Variants in SIPA1L2 observed in about 807,000 individuals in gnomAD.
SIPA1L2 encodes the protein signal-induced proliferation-associated 1-like protein 2.
In SIPA1L2, 56 loss-of-function variants were observed where a neutral mutation model predicts 163.9. The ratio of observed to expected loss-of-function variants is 0.34; its 90% CI spans 0.28 to 0.43. SIPA1L2 has a LOEUF of 0.43. Ranked by LOEUF, SIPA1L2 falls within the 20% of genes least tolerant of loss-of-function variation. The probability of loss-of-function intolerance (pLI) is 1.00; values close to 1 mark genes in which losing one functional copy is unlikely to be tolerated. For missense variants in SIPA1L2, 1,974 were observed against 2,193.5 expected, an observed-to-expected ratio of 0.90 and a Z score of 2.00; for synonymous variants, 877 against 865.7, an observed-to-expected ratio of 1.01 and a Z score of -0.23.
intron 19 of SIPA1L2, among the ~76,000 whole-genome samples, chr1:232,406,548 G>A (rs1168920577): frequency 6.6e-6 from 1 of 152,236 alleles, no homozygotes; most frequent in Non-Finnish European, 1.5e-5. Context: ...TCACTCCCAT[G>A]ACCCCGTCTA....
chr1:232,593,447 C>T (rs1030585591), intron 1 of SIPA1L2, among the ~76,000 whole-genome samples: 2 of 151,970 alleles, frequency 1.3e-5, no homozygotes, highest in African/African-American at 2.4e-5. Flanking sequence ...TTAATGGGGG[C>T]GCTTCATTTT....
intron 2 of SIPA1L2, among the ~76,000 whole-genome samples, chr1:232,519,802 C>T (rs1381367075): frequency 6.6e-6 from 1 of 152,202 alleles, no homozygotes; most frequent in Non-Finnish European, 1.5e-5. Flanking sequence ...CTGGTACCAC[C>T]TGCTCCCTCC....
chr1:232,598,478 A>C (rs1391279992), intron 1 of SIPA1L2, among the ~76,000 whole-genome samples: 1 of 152,214 alleles, frequency 6.6e-6, no homozygotes, highest in Non-Finnish European at 1.5e-5. Flanking sequence ...ATTCATCCAT[A>C]AAGCATCAGA....
intron 22 of SIPA1L2, 62 bp downstream of exon 22, chr1:232,402,330 T>C (rs1418509522): frequency 7.7e-6 from 11 of 1,436,222 alleles, no homozygotes; most frequent in African/African-American, 1.4e-5. Context: ...TTATCTGTAG[T>C]AGTTATAAGG....
chr1:232,455,597 C>T (rs1489805937), intron 10 of SIPA1L2, among the ~76,000 whole-genome samples: 1 of 150,736 alleles, frequency 6.6e-6, no homozygotes, highest in Non-Finnish European at 1.5e-5. Context: ...AGGAGAATGG[C>T]GTGAACCCGT....
At chr1:232,423,708 T>C (rs1361261842) in intron 18 of SIPA1L2, among the ~76,000 whole-genome samples, 3 of 152,238 alleles carry the variant, frequency 2.0e-5, no homozygotes, top group Admixed American at 6.5e-5. Flanking sequence ...TGTTTCCTAA[T>C]TGTGCCTTTG....
chr1:232,502,396 C>T (rs1413647973), intron 3 of SIPA1L2, among the ~76,000 whole-genome samples: 2 of 152,216 alleles, frequency 1.3e-5, no homozygotes, highest in African/African-American at 4.8e-5. Flanking sequence ...CACTTTTAAT[C>T]TCAAAATGCT....
At chr1:232,586,612 T>C (rs980402199) in intron 1 of SIPA1L2, among the ~76,000 whole-genome samples, 7 of 152,266 alleles carry the variant, frequency 4.6e-5, no homozygotes, top group Non-Finnish European at 2.9e-5. Context: ...AAATTTCTTT[T>C]AATGAAGAAT....
chr1:232,526,776 C>G (rs1667732717), intron 2 of SIPA1L2, among the ~76,000 whole-genome samples: 1 of 152,174 alleles, frequency 6.6e-6, no homozygotes, highest in African/African-American at 2.4e-5. Context: ...AGACTGTGCC[C>G]CCCTGACCGG....
At chr1:232,452,679 G>GT (rs1558188760) in intron 10 of SIPA1L2, among the ~76,000 whole-genome samples, 2 of 152,196 alleles carry the variant, frequency 1.3e-5, no homozygotes, top group Non-Finnish European at 2.9e-5. Context: ...GACCATCACT[G>GT]TTTGAGTCTA....
At chr1:232,520,794 T>G (rs1332871006) in intron 2 of SIPA1L2, among the ~76,000 whole-genome samples, 1 of 152,196 alleles carries the variant, frequency 6.6e-6, no homozygotes, top group Non-Finnish European at 1.5e-5. Flanking sequence ...CCTCTCTCTG[T>G]GGCCAAGAAG....
intron 19 of SIPA1L2, among the ~76,000 whole-genome samples, chr1:232,409,851 T>C (rs1209674574): frequency 6.6e-6 from 1 of 152,208 alleles, no homozygotes; most frequent in Non-Finnish European, 1.5e-5. Flanking sequence ...TAAGCTATTG[T>C]TGTTTTTAGC....
At chr1:232,479,154 ACT>A (rs1258093043) in intron 7 of SIPA1L2, among the ~76,000 whole-genome samples, 1 of 152,212 alleles carries the variant, frequency 6.6e-6, no homozygotes, top group East Asian at 1.9e-4. Context: ...AGCATGATGC[ACT>A]CTGATTTTTT....
chr1:232,479,759 AG>A, intron 6 of SIPA1L2, 29 bp from the exon 7 acceptor site: 2 of 1,586,294 alleles, frequency 1.3e-6, no homozygotes, highest in Non-Finnish European at 1.7e-6. Flanking sequence ...TACAGAAGCA[AG>A]GTAAGCTGCT....
At position 232,441,423 on chromosome 1, in the gene SIPA1L2, T is replaced by C. The variant is rs753379192; in HGVS notation, c.3539-29A>G. ...TCACATAAAAAGAGAGGAGTTGAAT[T>C]TCCAATTTCCAGTATTACCAAAAGA... On this transcript the variant is annotated intron_variant, in intron 13 of 22. Transcript: ENST00000674635. 9.7e-6 allele frequency: 15 copies of C among 1,550,324 alleles called. No individual in the cohort carries two copies. The Admixed American group carries it at 2.8e-4, about 29-fold the overall frequency.
At position 232,563,923 on chromosome 1, in the gene SIPA1L2, C is replaced by T. The variant is rs945126951; in HGVS notation, c.-270+10251G>A. Among the ~76,000 whole-genome samples, 7 of 148,156 alleles carry T rather than the reference C, an allele frequency of 4.7e-5. No individual in the cohort carries two copies. The Admixed American group carries it at 4.7e-4, about 10-fold the overall frequency. ...AGAGACAAGGTTTCATCATGTTGGC[C>T]AGACTGAACGACAAAGGTTTGTTTT... On this transcript the variant is annotated intron_variant, in intron 2 of 22. Coordinates refer to ENST00000674635, the MANE Select transcript of SIPA1L2 (RefSeq NM_020808.5).
At chr1:232,423,062 C>A (rs114779341) in intron 18 of SIPA1L2, among the ~76,000 whole-genome samples, 6,748 of 152,224 alleles carry the variant, frequency 0.044, 189 homozygotes, top group Middle Eastern at 0.14. Context: ...TGTCGCAATG[C>A]TGAACTGGCA....
At chr1:232,570,744 A>G (rs1659678847) in intron 2 of SIPA1L2, among the ~76,000 whole-genome samples, 1 of 152,186 alleles carries the variant, frequency 6.6e-6, no homozygotes, top group South Asian at 2.1e-4. Context: ...CAGTAAAAAT[A>G]TAAATAAAAC....
chr1:232,537,867 T>C (rs1174236690), intron 2 of SIPA1L2, among the ~76,000 whole-genome samples: 2 of 152,282 alleles, frequency 1.3e-5, no homozygotes, highest in Non-Finnish European at 2.9e-5. Context: ...TGTTCATTCA[T>C]GATCCTTAAA....
Sources: allele counts gnomAD v4.1 joint callset (sites outside exome capture counted in the v4.1 genomes callset), GRCh38; gene constraint gnomAD v4.1.1; transcripts MANE v1.5; gene names NCBI Gene and HGNC (gene_info 2026-07-23, HGNC 2026-07-21).